The following LRRC49 variants were observed in gnomAD, a reference collection of about 807,000 sequenced individuals.
LRRC49 encodes the protein leucine-rich repeat-containing protein 49.
Under a neutral mutation model 83.3 loss-of-function variants are expected in LRRC49, and 50 were observed. The observed-to-expected ratio is 0.60, with a 90% confidence interval of 0.48 to 0.76. LRRC49 has a LOEUF of 0.76. Among genes scored for constraint, LRRC49 ranks in the 30% least tolerant of loss-of-function variants. The pLI is 0.00. For missense variants in LRRC49, 704 were observed against 809.1 expected (o/e 0.87, Z 1.58); for synonymous variants, 286 against 283.3 (o/e 1.01, Z -0.10).
intron 2 of LRRC49, among the ~76,000 whole-genome samples, chr15:70,895,351 C>T (rs1466507689): frequency 6.6e-6 from 1 of 151,814 alleles, no homozygotes; most frequent in Admixed American, 6.6e-5. Context: ...TTATAATGAT[C>T]AAAACAGTGA....
chr15:70,945,893 G>A (rs2035991389), intron 8 of LRRC49, among the ~76,000 whole-genome samples: 1 of 151,992 alleles, frequency 6.6e-6, no homozygotes, highest in Non-Finnish European at 1.5e-5. Flanking sequence ...ATCTTAAAAA[G>A]TAGTTTAGAA....
chr15:70,928,015 A>T (rs1233196632), intron 7 of LRRC49, among the ~76,000 whole-genome samples: 1 of 152,128 alleles, frequency 6.6e-6, no homozygotes, highest in African/African-American at 2.4e-5. Context: ...TTTTTCCCAC[A>T]TAGGGATATC....
intron 14 of LRRC49, among the ~76,000 whole-genome samples, chr15:71,035,145 A>G (rs1415522841): frequency 6.6e-6 from 1 of 152,122 alleles, no homozygotes; most frequent in Non-Finnish European, 1.5e-5. Flanking sequence ...CAATTAAGTA[A>G]ATTGTGATAT....
At chr15:70,967,096 A>G (rs1219008042) in intron 9 of LRRC49, among the ~76,000 whole-genome samples, 2 of 152,138 alleles carry the variant, frequency 1.3e-5, no homozygotes, top group African/African-American at 4.8e-5. Flanking sequence ...AGGAGGATGT[A>G]TTTGTGGAAA....
chr15:70,853,607 G>A (rs1313839023), intron 1 of LRRC49: 1 of 272,050 alleles, frequency 3.7e-6, no homozygotes, highest in Non-Finnish European at 6.9e-6. Context: ...GCCCGTGAAA[G>A]TCCTCCTCCT....
At chr15:70,963,026 G>T (rs146808958) in intron 8 of LRRC49, among the ~76,000 whole-genome samples, 45 of 151,954 alleles carry the variant, frequency 3.0e-4, no homozygotes, top group African/African-American at 7.0e-4. Flanking sequence ...CAGCACTTTG[G>T]GGGGGCAAGG....
At chr15:70,906,098 CT>C (rs976292654) in intron 5 of LRRC49, among the ~76,000 whole-genome samples, 1,824 of 130,798 alleles carry the variant, frequency 0.014, 21 homozygotes, top group African/African-American at 0.04. Context: ...ATTTTTTTTT[CT>C]TTTTTTTTTT....
chr15:71,031,291 C>G (rs1010929675), intron 14 of LRRC49, among the ~76,000 whole-genome samples: 1 of 152,166 alleles, frequency 6.6e-6, no homozygotes, highest in Non-Finnish European at 1.5e-5. Context: ...GAGGTCCACT[C>G]CAGTCCCTGT....
intron 6 of LRRC49, among the ~76,000 whole-genome samples, chr15:70,912,188 CTA>C (rs1283960445): frequency 6.6e-6 from 1 of 152,084 alleles, no homozygotes; most frequent in Non-Finnish European, 1.5e-5. Flanking sequence ...CATGGTAAGA[CTA>C]TACAAAAACT....
At chr15:70,883,639 G>A (rs2033325680) in intron 2 of LRRC49, among the ~76,000 whole-genome samples, 2 of 146,218 alleles carry the variant, frequency 1.4e-5, no homozygotes, top group Admixed American at 1.4e-4. Flanking sequence ...AAACTACATT[G>A]TGAAATGGAA....
chr15:71,003,282 G>T (rs1486536204), intron 11 of LRRC49, among the ~76,000 whole-genome samples: 1 of 152,020 alleles, frequency 6.6e-6, no homozygotes, highest in African/African-American at 2.4e-5. Flanking sequence ...ATGAAACTTT[G>T]GACTTAAATT....
intron 1 of LRRC49, chr15:70,858,565 T>C (rs990404722): frequency 5.4e-5 from 24 of 447,156 alleles, no homozygotes; most frequent in Non-Finnish European, 8.6e-5. Context: ...GATTGTGCCA[T>C]TGCACTCCTG....
intron 8 of LRRC49, among the ~76,000 whole-genome samples, chr15:70,945,431 A>G (rs374332534): frequency 6.6e-6 from 1 of 151,978 alleles, no homozygotes; most frequent in Non-Finnish European, 1.5e-5. Context: ...TCATGATTGT[A>G]TATCATCTCT....
chr15:71,015,971 A>T (rs1596142446), intron 14 of LRRC49, among the ~76,000 whole-genome samples: 3 of 152,218 alleles, frequency 2.0e-5, no homozygotes, highest in Non-Finnish European at 4.4e-5. Flanking sequence ...GAAACGGTTA[A>T]GGTGTTTCAG....
At chr15:70,862,647 T>G (rs4777314) in intron 1 of LRRC49, among the ~76,000 whole-genome samples, 1 of 150,626 alleles carries the variant, frequency 6.6e-6, no homozygotes, top group Non-Finnish European at 1.5e-5. Context: ...ACCTAGACAT[T>G]AAGCATCAGG....
rs146405571 is a variant in LRRC49 at position 71,017,353 on chromosome 15, ATAC to A, written c.1703+4442_1703+4444del. On this transcript the variant is annotated intron_variant, in intron 14 of 15. Coordinates refer to ENST00000260382, the MANE Select transcript of LRRC49 (RefSeq NM_017691.5). ...CTCATGTTAATGAAAATGTTCTACTATACTTTCTCATACTTCCTGAAGGTTTGT... is the reference window on the plus strand; with the variant it reads ...CTCATGTTAATGAAAATGTTCTACTATTTCTCATACTTCCTGAAGGTTTGT... Among the ~76,000 whole-genome samples, 9 of 152,304 alleles carry A rather than the reference ATAC, an allele frequency of 5.9e-5. No individual in the cohort carries two copies. The East Asian group carries it at 1.7e-3, about 29-fold the overall frequency.
intron 13 of LRRC49, 99 bp from the exon 14 acceptor site, chr15:71,012,705 A>T: frequency 1.5e-6 from 1 of 684,010 alleles, no homozygotes; most frequent in Admixed American, 2.6e-5. Context: ...TGGGCTTAAA[A>T]GATAATATTT....
At position 71,035,462 on chromosome 15, in the gene LRRC49, C is replaced by T. The variant is rs140070063; in HGVS notation, c.1704-1717C>T. Reference sequence around the variant, plus strand: ...GCTCCACCCATCAACCTGTCACCTACATTAGGTATTTCTCCTAATGGTATC... The same window carrying T: ...GCTCCACCCATCAACCTGTCACCTATATTAGGTATTTCTCCTAATGGTATC... On this transcript the variant is annotated intron_variant, in intron 14 of 15. Coordinates refer to ENST00000260382, the MANE Select transcript of LRRC49 (RefSeq NM_017691.5). 3.9e-3 allele frequency among the ~76,000 whole-genome samples: 599 copies of T among 152,148 alleles called. 3 individuals are homozygous for T. The highest frequency in any genetic ancestry group is 6.8e-3 in the South Asian group (33 of 4,818).
intron 9 of LRRC49, 144 bp from the exon 10 acceptor site, chr15:70,979,957 T>C: frequency 1.9e-6 from 1 of 520,330 alleles, no homozygotes; most frequent in Non-Finnish European, 3.4e-6. Context: ...AAGAGAAACA[T>C]ACTAAATTTT....
Sources: allele counts gnomAD v4.1 joint callset (sites outside exome capture counted in the v4.1 genomes callset), GRCh38; gene constraint gnomAD v4.1.1; transcripts MANE v1.5; gene names NCBI Gene and HGNC (gene_info 2026-07-23, HGNC 2026-07-21).